Variants in SH3TC1 observed in about 807,000 individuals in gnomAD.
SH3TC1 encodes the protein SH3 domain and tetratricopeptide repeat-containing protein 1.
A neutral mutation model predicts 117.3 loss-of-function variants in SH3TC1; 135 were observed. The observed-to-expected ratio is 1.15, with a 90% CI of 1.00 to 1.33. SH3TC1 has a LOEUF of 1.33. SH3TC1 is among the 40% of genes most tolerant of loss of function. SH3TC1 has a pLI of 0.00. For synonymous variants in SH3TC1, 898 were observed against 816.9 expected (o/e 1.10, Z -1.69); for missense variants, 2,092 against 1,794.3 (o/e 1.17, Z -3.00).
rs757838916 is a variant in SH3TC1, at chr4:8,205,351, G to T, written c.157G>T (p.Ala53Ser). 1.5e-5 allele frequency: 23 copies of T among 1,548,486 alleles called. No homozygotes were observed. Among genetic ancestry groups the T allele is most frequent in the Non-Finnish European group, 2.0e-5 (23 of 1,146,548 alleles). Residue 53 changes from alanine to serine, a missense_variant, in exon 2 of 18, where the codon GCG becomes TCG. Physicochemically the swap from Ala to Ser is moderately conservative, Grantham distance 99. Transcript: ENST00000245105. This position sits in a 1 kb window ranked among gnomAD's most constrained non-coding sequence, Gnocchi z 5.4. ...GAAAGCGGGGCCCGAGGAGGCCAAG[G>T]CGCCAGTGAGAGGCGGTGAGTTCAT... Reference protein sequence around the residue: ...WEKAGPEEAKAPVRGDEAPPA... With the variant: ...WEKAGPEEAKSPVRGDEAPPA...
intron 3 of SH3TC1, among the ~76,000 whole-genome samples, chr4:8,211,628 C>T (rs556356114): frequency 2.6e-5 from 4 of 150,962 alleles, no homozygotes; most frequent in Admixed American, 1.3e-4. Context: ...GATCTGGGGC[C>T]GAGTCTTGAC....
intron 4 of SH3TC1, among the ~76,000 whole-genome samples, chr4:8,214,071 G>A (rs912270237): frequency 6.6e-6 from 1 of 152,150 alleles, no homozygotes; most frequent in Non-Finnish European, 1.5e-5. Context: ...CTGGCGGGGG[G>A]ATGGAAATCA....
intron 12 of SH3TC1, chr4:8,231,583 T>G: frequency 5.1e-6 from 1 of 195,016 alleles, no homozygotes; most frequent in East Asian, 1.3e-4. Context: ...TCCCCCAACA[T>G]GATGCCGTGT....
intron 17 of SH3TC1, among the ~76,000 whole-genome samples, chr4:8,239,280 C>G (rs535003309): frequency 4.6e-4 from 70 of 151,280 alleles, no homozygotes; most frequent in Non-Finnish European, 8.8e-4. Flanking sequence ...CACATGCACA[C>G]ACATGGACAT....
At chr4:8,196,964 C>T (rs183121179), upstream of SH3TC1, among the ~76,000 whole-genome samples, 31 of 152,260 alleles carry the variant, frequency 2.0e-4, no homozygotes, top group East Asian at 5.2e-3. The surrounding 1 kb of genome is among the most constrained non-coding windows in gnomAD (Gnocchi z 4.6). Flanking sequence ...GCTTATGTAC[C>T]GAGCTGACAC....
Position 8,186,064 on chromosome 4 carries a change from G to A in SH3TC1, c.-57+3854G>A, listed in dbSNP as rs769727924. 5.9e-5 allele frequency among the ~76,000 whole-genome samples: 9 copies of A among 152,168 alleles called. No homozygotes were observed. The highest frequency in any genetic ancestry group is 1.9e-4 in the African/African-American group (8 of 41,416). On this transcript the variant is annotated intron_variant, in intron 1 of 16. Coordinates refer to the SH3TC1 transcript ENST00000508641. This position sits in a 1 kb window ranked among gnomAD's most constrained non-coding sequence, Gnocchi z 5.2. ...TTACGGTGATAGGCAGGAGCTGTCC[G>A]CGCGGGCCCCTCGCTGTTTTACTGT...
chr4:8,232,500 T>C, intron 13 of SH3TC1: 1 of 1,404,050 alleles, frequency 7.1e-7, no homozygotes, highest in Non-Finnish European at 9.5e-7. Context: ...CTGCCCCGAG[T>C]CTTCACTCCT....
chr4:8,235,695 C>T (rs207464254), intron 15 of SH3TC1, 140 bp downstream of exon 15: 19 of 1,223,068 alleles, frequency 1.6e-5, no homozygotes, highest in South Asian at 9.3e-5. Context: ...GTGGTTTCAC[C>T]GGGAATGATA....
chr4:8,239,451 C>T (rs184251500), intron 17 of SH3TC1, among the ~76,000 whole-genome samples: 1 of 150,420 alleles, frequency 6.6e-6, no homozygotes, highest in African/African-American at 2.5e-5. Context: ...GACACGCACA[C>T]GCAGATGCAC....
rs1718241841 is a variant in SH3TC1, at chr4:8,206,762, T to A, written c.172+1396T>A. Among the ~76,000 whole-genome samples, 1 of 152,184 alleles carries A rather than the reference T, an allele frequency of 6.6e-6. No individual in the cohort carries two copies. Among genetic ancestry groups the A allele is most frequent in the African/African-American group, 2.4e-5 (1 of 41,438 alleles). The stretch of plus-strand genomic sequence containing the variant: ...CAAAGGTGGCAAGAAATAGTACAGA[T>A]AATTCCATTTGCCCATACCCAGGTT... On this transcript the variant is annotated intron_variant, in intron 2 of 17. Transcript: ENST00000245105. This position sits in a 1 kb window ranked among gnomAD's most constrained non-coding sequence, Gnocchi z 5.5.
chr4:8,236,135 C>T, intron 15 of SH3TC1, 143 bp from the exon 16 acceptor site: 3 of 1,094,938 alleles, frequency 2.7e-6, no homozygotes, highest in Non-Finnish European at 3.7e-6. Flanking sequence ...TCTGAACCGC[C>T]CTTTATCTCA....
At chr4:8,235,599 C>T (rs759916495) in intron 15 of SH3TC1, 44 bp downstream of exon 15, 4 of 1,516,658 alleles carry the variant, frequency 2.6e-6, no homozygotes, top group Admixed American at 2.1e-5. Flanking sequence ...CCAGGGGGGG[C>T]ACCTTGAGGG....
chr4:8,197,160 G>A (rs1717579338), upstream of SH3TC1, among the ~76,000 whole-genome samples: 1 of 152,198 alleles, frequency 6.6e-6, no homozygotes, highest in South Asian at 2.1e-4. Flanking sequence ...AGGAGGCTGG[G>A]TGGAGACAAG....
chr4:8,187,533 A>G lies in SH3TC1; in HGVS notation c.-57+5323A>G, dbSNP rs765731306. ...TATTTGTACTGGTGTGGACTCATAC[A>G]TATTTGTTTTCTTTTCTTTTCTTTT... is the stretch of plus-strand genomic sequence containing the variant. On this transcript the variant is annotated intron_variant, in intron 1 of 16. Coordinates refer to the SH3TC1 transcript ENST00000508641. 4.7e-4 allele frequency among the ~76,000 whole-genome samples: 71 copies of G among 149,810 alleles called. 1 individual carries two copies. Among genetic ancestry groups the G allele is most frequent in the Non-Finnish European group, 9.2e-4 (62 of 67,634 alleles).
intron 1 of SH3TC1, among the ~76,000 whole-genome samples, chr4:8,193,503 C>G (rs887944604): frequency 6.6e-6 from 1 of 152,228 alleles, no homozygotes; most frequent in Non-Finnish European, 1.5e-5. Flanking sequence ...CCCTCCAAGT[C>G]TCAGCCCAGA....
rs2152984327 is a variant in SH3TC1 at position 8,213,734 on chromosome 4, C to CA, written c.376-734dup. 2.0e-5 allele frequency among the ~76,000 whole-genome samples: 3 copies of CA among 152,060 alleles called. No individual in the cohort carries two copies. In the East Asian group the frequency reaches 5.8e-4, roughly 29 times the overall value. ...GCAACATAGGGAGACCTCGTCTCTA[C>CA]AAAAAAATTTAAAAAGTTAGCCAGG... On this transcript the variant is annotated intron_variant, in intron 4 of 17. Coordinates refer to ENST00000245105, the MANE Select transcript of SH3TC1 (RefSeq NM_018986.5).
intron 5 of SH3TC1, among the ~76,000 whole-genome samples, chr4:8,214,892 A>G (rs187423181): frequency 6.6e-5 from 10 of 152,188 alleles, no homozygotes; most frequent in Non-Finnish European, 1.0e-4. Flanking sequence ...CACCATGTTG[A>G]CCAAGCTGAT....
At position 8,183,351 on chromosome 4, in the gene SH3TC1, C is replaced by T. The variant is rs1200770064; in HGVS notation, c.-57+1141C>T. ...CCTTCCAAAGCCCTGCCTCGGTTTC[C>T]TGGTGCTGTGGGAACAATGACCAGA... On this transcript the variant is annotated intron_variant, in intron 1 of 16. Coordinates refer to the SH3TC1 transcript ENST00000508641. This position sits in a 1 kb window ranked among gnomAD's most constrained non-coding sequence, Gnocchi z 5.4. Among the ~76,000 whole-genome samples the T allele has an allele frequency of 2.0e-5, 3 of 152,220 alleles. No homozygotes were observed. The highest frequency in any genetic ancestry group is 7.2e-5 in the African/African-American group (3 of 41,464).
chr4:8,225,136 G>C lies in SH3TC1; in HGVS notation c.1244-39G>C. ...ACCTGGCAGGGGACCAGAGGTACTG[G>C]CTGGGGGTGTTGATTGCTTCTCTTT... On this transcript the variant is annotated intron_variant, in intron 10 of 17. Transcript: ENST00000245105. The surrounding 1 kb of genome is among the most constrained non-coding windows in gnomAD (Gnocchi z 5.5). 4 of 1,612,680 alleles carry C rather than the reference G, an allele frequency of 2.5e-6. No individual in the cohort carries two copies. The highest frequency in any genetic ancestry group is 3.4e-6 in the Non-Finnish European group (4 of 1,179,420).
Sources: allele counts gnomAD v4.1 joint callset (sites outside exome capture counted in the v4.1 genomes callset), GRCh38; gene constraint gnomAD v4.1.1; non-coding constraint Gnocchi (gnomAD v3.1); transcripts MANE v1.5; gene names NCBI Gene and HGNC (gene_info 2026-07-23, HGNC 2026-07-21).